ZNF433: variants seen among roughly 807,000 people sequenced by gnomAD.
The protein encoded by ZNF433 is zinc finger protein 433.
ZNF433 carries 12 observed loss-of-function variants against 10.6 expected under a neutral mutation model. That is an observed-to-expected ratio of 1.13 (90% CI 0.72 to 1.83). The LOEUF (loss-of-function observed/expected upper bound fraction) is 1.83, where lower values mean the gene tolerates loss of function less well. Ranked by LOEUF, ZNF433 falls within the 40% of genes most tolerant of loss-of-function variation. The pLI is 0.00. For missense variants in ZNF433, 737 were observed against 798.0 expected (o/e 0.92, Z 0.92); for synonymous variants, 272 against 271.3 (o/e 1.00, Z -0.02).
At chr19:12,024,379 A>G (rs1390412525) in intron 1 of ZNF433, 2 of 152,278 alleles carry the variant, frequency 1.3e-5, no homozygotes, top group African/African-American at 4.8e-5. Flanking sequence ...TTCCTGCAAT[A>G]AACAACCTGC....
In ZNF433 at chr19:12,017,907, C is replaced by A. The variant is rs372514529; in HGVS notation, c.160G>T (p.Val54Leu). ...GKKWKPQNIY[V>L]EYENLRRNLR... ...TTTCTCCTTAGATTTTCGTACTCTA[C>A]ATATATGTTCTGGGGTTTCCATTTT... Residue 54 changes from valine (V) to leucine (L), a missense_variant, in exon 3 of 4, where the codon GTA becomes TTA. By Grantham distance (32) the Val-to-Leu change is conservative. Coordinates refer to ENST00000550507, the MANE Select transcript of ZNF433 (RefSeq NM_001308348.2). 42 of 1,594,418 alleles carry A rather than the reference C, an allele frequency of 2.6e-5. No homozygotes were observed. In the African/African-American group the frequency reaches 4.9e-4, roughly 19 times the overall value.
At position 12,018,966 on chromosome 19, in the gene ZNF433, C is replaced by T. The variant is rs531951426; in HGVS notation, c.4-674G>A. 1.2e-4 allele frequency among the ~76,000 whole-genome samples: 17 copies of T among 146,698 alleles called. No individual in the cohort carries two copies. The East Asian group carries it at 1.2e-3, about 11-fold the overall frequency. On this transcript the variant is annotated intron_variant, in intron 1 of 3. Coordinates refer to ENST00000550507, the MANE Select transcript of ZNF433 (RefSeq NM_001308348.2). ...CCAGGAGGCTGAGGCAGGAGAATCG[C>T]GGGAATCCAAGAGGCAGAGGCTGCA...
At position 12,015,022 on chromosome 19, in the gene ZNF433, C is replaced by T. The variant is rs1974088429; in HGVS notation, c.1836G>A (p.Glu612=). Residue 612 remains glutamate, a synonymous_variant, in exon 4 of 4, where the codon GAG becomes GAA. Coordinates refer to ENST00000550507, the MANE Select transcript of ZNF433 (RefSeq NM_001308348.2). ...LQMHGRTHTG[E]KPYKCKQCGK... is the part of the protein sequence containing the mutation. ...CACATTGCTTACATTTATACGGTTT[C>T]TCTCCAGTGTGAGTCCTTCCATGCA... is the stretch of plus-strand genomic sequence containing the variant. 4 of 1,613,862 alleles carry T rather than the reference C, an allele frequency of 2.5e-6. No individual in the cohort carries two copies. The highest frequency in any genetic ancestry group is 3.4e-6 in the Non-Finnish European group (4 of 1,179,978).
chr19:12,032,023 C>T (rs1293068461), intron 1 of ZNF433, among the ~76,000 whole-genome samples: 2 of 150,248 alleles, frequency 1.3e-5, no homozygotes, highest in Admixed American at 1.3e-4. Context: ...ACCGCAACCT[C>T]TGCCTCCCAG....
intron 3 of ZNF433, among the ~76,000 whole-genome samples, chr19:12,017,601 C>T (rs1974273603): frequency 1.3e-5 from 2 of 152,120 alleles, no homozygotes; most frequent in East Asian, 3.8e-4. Context: ...CTTGCCCAGG[C>T]TGGAGTGCAG....
At chr19:12,034,877 GA>G (rs1445887116) in intron 1 of ZNF433, 2 of 454,342 alleles carry the variant, frequency 4.4e-6, no homozygotes, top group South Asian at 3.1e-5. Context: ...CTGTCTCCCT[GA>G]AATGAATAAA....
chr19:12,018,742 ACAAAAAC>A (rs1974339470), intron 1 of ZNF433: 1 of 152,628 alleles, frequency 6.6e-6, no homozygotes, highest in African/African-American at 2.4e-5. Context: ...TGCAGCAGAA[ACAAAAAC>A]CAAAAAACTG....
Position 12,016,456 on chromosome 19 carries a change from A to G in ZNF433, c.402T>C (p.Tyr134=). 6.2e-7 allele frequency: 1 copy of G among 1,614,148 alleles called. No individual in the cohort carries two copies. Among genetic ancestry groups the G allele is most frequent in the Non-Finnish European group, 8.5e-7 (1 of 1,180,020 alleles). ...ATTTACATTTATATGGTTTCTGTCC[A>G]TATTCTTGATACTCATATGCCTTGT... ...TGHKAYEYQE[Y]GQKPYKCKYC... Residue 134 remains tyrosine, a synonymous_variant, in exon 4 of 4, where the codon TAT becomes TAC. Transcript: ENST00000550507.
intron 1 of ZNF433, chr19:12,023,266 G>C (rs1974583008): frequency 6.6e-6 from 1 of 152,210 alleles, no homozygotes. Flanking sequence ...GGGGTCTGTG[G>C]ACACTTGCCA....
chr19:12,021,537 A>T (rs1160056510), intron 1 of ZNF433, among the ~76,000 whole-genome samples: 1 of 152,174 alleles, frequency 6.6e-6, no homozygotes, highest in Non-Finnish European at 1.5e-5. Flanking sequence ...TAGGAGAGAG[A>T]TTAAACTCAG....
intron 1 of ZNF433, chr19:12,024,307 A>C (rs1974635390): frequency 6.6e-6 from 1 of 152,240 alleles, no homozygotes; most frequent in African/African-American, 2.4e-5. Flanking sequence ...TCATAGATTT[A>C]AAAGACTGTT....
chr19:12,020,281 T>TA lies in ZNF433; in HGVS notation c.4-1990_4-1989insT, dbSNP rs1568333764. 1.2e-3 allele frequency among the ~76,000 whole-genome samples: 176 copies of TA among 150,200 alleles called. 2 individuals carry two copies. The highest frequency in any genetic ancestry group is 4.0e-3 in the African/African-American group (163 of 40,442). On this transcript the variant is annotated intron_variant, in intron 1 of 3. Coordinates refer to ENST00000550507, the MANE Select transcript of ZNF433 (RefSeq NM_001308348.2). ...AGCAAGACTCTGTCTCAAAAAAATT[T>TA]TAAAAAAAAAAAGCAAAAGTATTTG... is the stretch of plus-strand genomic sequence containing the variant.
chr19:12,022,119 CTG>C, intron 1 of ZNF433: 1 of 429,180 alleles, frequency 2.3e-6, no homozygotes, highest in South Asian at 1.6e-5. Flanking sequence ...ACAATGAAGA[CTG>C]TTGGTTTACC....
At chr19:12,035,394 G>T in intron 1 of ZNF433, 143 bp downstream of exon 1, 1 of 1,209,410 alleles carries the variant, frequency 8.3e-7, no homozygotes, top group Admixed American at 2.2e-5. Flanking sequence ...GGGCCAAGGG[G>T]ACCAAGGGCC....
chr19:12,018,036 AT>A, intron 2 of ZNF433, 100 bp from the exon 3 acceptor site: 1 of 1,309,698 alleles, frequency 7.6e-7, no homozygotes, highest in Non-Finnish European at 1.0e-6. Context: ...TGCTTCCTTT[AT>A]TTATCAAATA....
chr19:12,015,689 G>T lies in ZNF433; in HGVS notation c.1169C>A (p.Pro390His). 1 of 1,613,930 alleles carries T rather than the reference G, an allele frequency of 6.2e-7. No individual in the cohort carries two copies. The highest frequency in any genetic ancestry group is 8.5e-7 in the Non-Finnish European group (1 of 1,179,974). ...TTTACCACATTGGTTGCATTTATAG[G>T]GTTTCTCTCCAGTGTGAGTTTTTTC... is the stretch of plus-strand genomic sequence containing the variant. ...THEKTHTGEK[P>H]YKCNQCGKAF... Residue 390 changes from proline to histidine, a missense_variant, in exon 4 of 4, where the codon CCC (proline) becomes CAC (histidine). Transcript: ENST00000550507.
intron 1 of ZNF433, among the ~76,000 whole-genome samples, 184 bp downstream of exon 1, chr19:12,035,353 G>A (rs1381157553): frequency 6.6e-6 from 1 of 152,186 alleles, no homozygotes; most frequent in Non-Finnish European, 1.5e-5. Context: ...CGAGACGCCC[G>A]GGTCCCGGCG....
In ZNF433 at chr19:12,018,305, A is replaced by G; in HGVS notation, c.4-13T>C. 2 of 1,611,820 alleles carry G rather than the reference A, an allele frequency of 1.2e-6. No homozygotes were observed. Among genetic ancestry groups the G allele is most frequent in the Non-Finnish European group, 1.7e-6 (2 of 1,179,196 alleles). On this transcript the variant is annotated splice_polypyrimidine_tract_variant and intron_variant, in intron 1 of 3. Coordinates refer to ENST00000550507, the MANE Select transcript of ZNF433 (RefSeq NM_001308348.2). ...AGGCCACTGAATCCTGAAACATCTC[A>G]CATGTATAGAGGAGGATGGATAAGA...
At chr19:12,035,436 C>A in intron 1 of ZNF433, 101 bp downstream of exon 1, 1 of 1,504,680 alleles carries the variant, frequency 6.6e-7, no homozygotes, top group East Asian at 2.5e-5. Context: ...GGTCCCAGAC[C>A]CCGGAGTCGC....
Sources: gnomAD v4.1 joint callset for allele counts (sites outside exome capture counted in the v4.1 genomes callset) on GRCh38, gnomAD v4.1.1 for gene constraint, MANE v1.5 for transcripts, NCBI Gene and HGNC (gene_info 2026-07-23, HGNC 2026-07-21) for gene names.